The following SLC14A2 variants were observed in gnomAD, a reference collection of about 807,000 sequenced individuals.
SLC14A2 encodes urea transporter 2.
Under a neutral mutation model 104.6 loss-of-function variants are expected in SLC14A2, and 91 were observed. That is an observed-to-expected ratio of 0.87 (90% CI 0.73 to 1.04). The LOEUF is 1.04. Ranked by LOEUF, SLC14A2 falls within the 50% of genes least tolerant of loss-of-function variation. The pLI is 0.00. For synonymous variants in SLC14A2, 476 were observed against 466.4 expected (o/e 1.02, Z -0.27); for missense variants, 1,189 against 1,156.0 (o/e 1.03, Z -0.41).
In SLC14A2 at chr18:45,344,989, G is replaced by A. The variant is rs1306517334; in HGVS notation, c.-125+131798G>A. 2.6e-5 allele frequency among the ~76,000 whole-genome samples: 4 copies of A among 152,168 alleles called. No homozygotes were observed. The East Asian group carries it at 7.7e-4, about 29-fold the overall frequency. ...CAAGGAATTTCCCTCACTGTGATAA[G>A]CGTGCTGTCCCTGTGTCTCTGAAGA... On this transcript the variant is annotated intron_variant, in intron 1 of 20. Transcript: ENST00000586448.
chr18:45,301,775 G>A (rs531987087), intron 1 of SLC14A2, among the ~76,000 whole-genome samples: 1 of 152,202 alleles, frequency 6.6e-6, no homozygotes. Flanking sequence ...GAATGATTTT[G>A]TATCCTGAAC....
intron 1 of SLC14A2, among the ~76,000 whole-genome samples, chr18:45,377,880 A>G (rs918327349): frequency 6.6e-6 from 1 of 152,126 alleles, no homozygotes; most frequent in Non-Finnish European, 1.5e-5. Flanking sequence ...TTCCTGCTTT[A>G]CTTGCTACAG....
rs564761110 is a variant in SLC14A2 at position 45,255,771 on chromosome 18, T to A, written c.-125+42580T>A. The stretch of plus-strand genomic sequence containing the variant: ...GTGGTTTTAACTAGCAGGGGGAAAA[T>A]ATATATATATTTAAAAAGGAAAAGC... On this transcript the variant is annotated intron_variant, in intron 1 of 20. Coordinates refer to the SLC14A2 transcript ENST00000586448. Among the ~76,000 whole-genome samples, 93 of 152,066 alleles carry A rather than the reference T, an allele frequency of 6.1e-4. 1 individual carries two copies. Among genetic ancestry groups the A allele is most frequent in the Middle Eastern group, 3.4e-3 (1 of 294 alleles).
At chr18:45,498,187 T>C (rs1362361471) in intron 2 of SLC14A2, among the ~76,000 whole-genome samples, 2 of 152,236 alleles carry the variant, frequency 1.3e-5, no homozygotes, top group Non-Finnish European at 2.9e-5. Context: ...CTGTACATTG[T>C]GTAGTGCAAG....
intron 1 of SLC14A2, among the ~76,000 whole-genome samples, chr18:45,380,438 T>C (rs1233582615): frequency 1.3e-5 from 2 of 152,102 alleles, no homozygotes; most frequent in South Asian, 2.1e-4. Flanking sequence ...ATGGGTGATA[T>C]GGGGAAGGGT....
intron 1 of SLC14A2, among the ~76,000 whole-genome samples, chr18:45,460,063 C>T (rs1329928649): frequency 6.6e-6 from 1 of 152,224 alleles, no homozygotes; most frequent in Non-Finnish European, 1.5e-5. Flanking sequence ...GTACTTAAAA[C>T]TGCTCTCTAA....
At chr18:45,509,143 TC>T (rs1164777138) in intron 2 of SLC14A2, among the ~76,000 whole-genome samples, 2 of 152,136 alleles carry the variant, frequency 1.3e-5, no homozygotes, top group Admixed American at 1.3e-4. Flanking sequence ...ATGTGTCCCT[TC>T]ATGGGATACC....
At chr18:45,443,730 C>G (rs1199123782) in intron 1 of SLC14A2, among the ~76,000 whole-genome samples, 1 of 152,048 alleles carries the variant, frequency 6.6e-6, no homozygotes, top group Non-Finnish European at 1.5e-5. Flanking sequence ...GAGGGCAGGT[C>G]AGAGAAAGAC....
chr18:45,468,257 G>A lies in SLC14A2; in HGVS notation c.-124-14976G>A, dbSNP rs183310268. On this transcript the variant is annotated intron_variant, in intron 1 of 20. Transcript: ENST00000586448. ...GCAAAGAGAACAAAAGGAGGATAGAGTGGAGCCATCATTCATGGAAGAAAA... is the reference window on the plus strand; with the variant it reads ...GCAAAGAGAACAAAAGGAGGATAGAATGGAGCCATCATTCATGGAAGAAAA... 8.9e-4 allele frequency among the ~76,000 whole-genome samples: 136 copies of A among 152,270 alleles called. 2 individuals carry two copies. Among genetic ancestry groups the A allele is most frequent in the Admixed American group, 8.1e-3 (124 of 15,298 alleles).
chr18:45,646,180 G>C (rs1480461640), intron 10 of SLC14A2: 1 of 152,216 alleles, frequency 6.6e-6, no homozygotes, highest in Non-Finnish European at 1.5e-5. Flanking sequence ...TCACTCTGTT[G>C]TTCTCTCATC....
At chr18:45,222,619 A>T (rs77958917) in intron 1 of SLC14A2, among the ~76,000 whole-genome samples, 133 of 152,268 alleles carry the variant, frequency 8.7e-4, no homozygotes, top group African/African-American at 2.9e-3. Flanking sequence ...TACCAGCTGG[A>T]TGGGGTGTGA....
chr18:45,570,978 G>C (rs2044337333), intron 2 of SLC14A2, among the ~76,000 whole-genome samples: 2 of 152,170 alleles, frequency 1.3e-5, no homozygotes, highest in South Asian at 4.1e-4. Flanking sequence ...ATGGAGGAAA[G>C]AACATTGTAT....
intron 1 of SLC14A2, among the ~76,000 whole-genome samples, chr18:45,244,387 G>A (rs2084348469): frequency 6.6e-6 from 1 of 152,106 alleles, no homozygotes; most frequent in Non-Finnish European, 1.5e-5. Flanking sequence ...AGCACTTTGG[G>A]AAGCCAAGGC....
intron 2 of SLC14A2, among the ~76,000 whole-genome samples, chr18:45,532,749 TGA>T (rs1164776544): frequency 6.6e-6 from 1 of 152,128 alleles, no homozygotes; most frequent in Admixed American, 6.5e-5. Context: ...ATAGGAGTGG[TGA>T]GAGAGAGCAT....
intron 1 of SLC14A2, among the ~76,000 whole-genome samples, chr18:45,473,593 C>T (rs1810384631): frequency 1.3e-5 from 2 of 152,226 alleles, no homozygotes; most frequent in Admixed American, 6.5e-5. Flanking sequence ...AGGTCCTTCA[C>T]ATCCCTTGTA....
At chr18:45,678,883 T>C (rs1291823133) in intron 18 of SLC14A2, 92 bp from the exon 19 acceptor site, 2 of 1,198,280 alleles carry the variant, frequency 1.7e-6, no homozygotes, top group Admixed American at 2.4e-5. Context: ...ATTTGTGGCA[T>C]AAAATTGATG....
chr18:45,566,282 C>A (rs1314647574), intron 2 of SLC14A2, among the ~76,000 whole-genome samples: 1 of 152,126 alleles, frequency 6.6e-6, no homozygotes, highest in African/African-American at 2.4e-5. Flanking sequence ...AGTCACACAG[C>A]TAGAAATCAT....
chr18:45,256,765 A>G (rs2084483246), intron 1 of SLC14A2, among the ~76,000 whole-genome samples: 1 of 152,224 alleles, frequency 6.6e-6, no homozygotes, highest in Admixed American at 6.5e-5. Context: ...TTTACTTCTC[A>G]AAACTATTTT....
intron 1 of SLC14A2, among the ~76,000 whole-genome samples, chr18:45,217,739 C>A (rs1433800876): frequency 6.6e-6 from 1 of 152,166 alleles, no homozygotes; most frequent in African/African-American, 2.4e-5. Flanking sequence ...TTTTCTGGCC[C>A]TGTGCTTACA....
Sources: gnomAD v4.1 joint callset for allele counts (sites outside exome capture counted in the v4.1 genomes callset) on GRCh38, gnomAD v4.1.1 for gene constraint, MANE v1.5 for transcripts, NCBI Gene and HGNC (gene_info 2026-07-23, HGNC 2026-07-21) for gene names.